The following SLMAP variants were observed in gnomAD, a reference collection of about 807,000 sequenced individuals.
The protein encoded by SLMAP is sarcolemmal membrane-associated protein.
A neutral mutation model predicts 128.8 loss-of-function variants in SLMAP; 44 were observed. That is an observed-to-expected ratio of 0.34 (90% CI 0.27 to 0.44). The LOEUF is 0.44. SLMAP is among the 20% of genes least tolerant of loss of function. The pLI is 1.00. For missense variants in SLMAP, 787 were observed against 985.3 expected, an observed-to-expected ratio of 0.80 and a Z score of 2.69; for synonymous variants, 327 against 348.8, an observed-to-expected ratio of 0.94 and a Z score of 0.70.
chr3:57,888,996 T>C (rs2095987867), intron 14 of SLMAP, among the ~76,000 whole-genome samples: 1 of 152,092 alleles, frequency 6.6e-6, no homozygotes, highest in Admixed American at 6.6e-5. Flanking sequence ...ACCATTCTCC[T>C]GCCTCAGCCT....
At chr3:57,927,140 C>CTT (rs910704507) in intron 24 of SLMAP, among the ~76,000 whole-genome samples, 156 bp from the exon 25 acceptor site, 1 of 144,922 alleles carries the variant, frequency 6.9e-6, no homozygotes, top group Non-Finnish European at 1.5e-5. Flanking sequence ...CACTCCCTCA[C>CTT]TTTTTTTTTT....
At chr3:57,860,973 C>A in intron 9 of SLMAP, 134 bp downstream of exon 9, 1 of 704,374 alleles carries the variant, frequency 1.4e-6, no homozygotes. Context: ...TGGGAAGGAA[C>A]AGTTACGCTG....
At chr3:57,819,681 T>C (rs2092321390) in intron 2 of SLMAP, among the ~76,000 whole-genome samples, 2 of 152,230 alleles carry the variant, frequency 1.3e-5, no homozygotes, top group East Asian at 3.8e-4. Flanking sequence ...TTGTTCTTTT[T>C]TTCCCACAAA....
intron 2 of SLMAP, among the ~76,000 whole-genome samples, chr3:57,766,165 A>ATTTTTTTTTT (rs869169620): frequency 1.4e-3 from 124 of 85,700 alleles, no homozygotes; most frequent in Middle Eastern, 9.4e-3. Flanking sequence ...CACCCGGCTA[A>ATTTTTTTTTT]TTTTTTTTTT....
chr3:57,809,544 A>C (rs887904033), intron 2 of SLMAP, among the ~76,000 whole-genome samples: 12 of 152,216 alleles, frequency 7.9e-5, no homozygotes, highest in African/African-American at 2.9e-4. Context: ...GGGCACCACG[A>C]ACAGCAGCAG....
At chr3:57,844,125 G>C (rs539944005) in intron 4 of SLMAP, among the ~76,000 whole-genome samples, 38 of 152,074 alleles carry the variant, frequency 2.5e-4, no homozygotes, top group African/African-American at 9.1e-4. Context: ...GGCGCAGGTG[G>C]CTCGTGCCTG....
chr3:57,838,027 G>A (rs2093722540), intron 3 of SLMAP, among the ~76,000 whole-genome samples: 1 of 151,956 alleles, frequency 6.6e-6, no homozygotes, highest in Admixed American at 6.6e-5. Flanking sequence ...TCATCTCATA[G>A]ATTTGCGCAT....
intron 14 of SLMAP, among the ~76,000 whole-genome samples, chr3:57,873,326 A>G (rs1387487580): frequency 6.6e-6 from 1 of 152,060 alleles, no homozygotes; most frequent in African/African-American, 2.4e-5. Context: ...AACATGGTGA[A>G]ACCCCATCTC....
chr3:57,820,338 T>C (rs1417975125), intron 2 of SLMAP, among the ~76,000 whole-genome samples: 5 of 152,172 alleles, frequency 3.3e-5, no homozygotes, highest in African/African-American at 1.2e-4. Flanking sequence ...GAGATCACTA[T>C]CTGTTCTTTA....
chr3:57,869,812 G>A (rs1400290726), intron 13 of SLMAP, among the ~76,000 whole-genome samples: 1 of 150,580 alleles, frequency 6.6e-6, no homozygotes, highest in East Asian at 1.9e-4. Context: ...TTGTACATTT[G>A]TTTTATGCTT....
intron 22 of SLMAP, among the ~76,000 whole-genome samples, chr3:57,920,931 C>T (rs2096905473): frequency 1.3e-5 from 2 of 151,974 alleles, no homozygotes; most frequent in Admixed American, 1.3e-4. Flanking sequence ...GCACAAGAAT[C>T]CCTTGAACCC....
chr3:57,812,463 C>T (rs1217889049), intron 2 of SLMAP, among the ~76,000 whole-genome samples: 2 of 152,064 alleles, frequency 1.3e-5, no homozygotes, highest in East Asian at 3.9e-4. Flanking sequence ...TATGCCGGTA[C>T]CATACTGTTT....
At chr3:57,817,566 A>G (rs2092009331) in intron 2 of SLMAP, among the ~76,000 whole-genome samples, 2 of 152,232 alleles carry the variant, frequency 1.3e-5, no homozygotes, top group Admixed American at 1.3e-4. Flanking sequence ...AATTTGCCAT[A>G]TTCATGAGGA....
chr3:57,862,999 GA>G (rs2095157201), intron 10 of SLMAP, among the ~76,000 whole-genome samples: 1 of 152,136 alleles, frequency 6.6e-6, no homozygotes, highest in Non-Finnish European at 1.5e-5. Context: ...TATATAACAG[GA>G]AGTAGATGAG....
intron 2 of SLMAP, among the ~76,000 whole-genome samples, chr3:57,777,096 A>T (rs967839682): frequency 8.2e-4 from 92 of 112,404 alleles, no homozygotes; most frequent in Non-Finnish European, 1.4e-3. Context: ...AAGAAATTTG[A>T]CTTTTTTTGG....
intron 2 of SLMAP, among the ~76,000 whole-genome samples, chr3:57,804,043 A>G (rs367697693): frequency 9.8e-5 from 15 of 152,350 alleles, no homozygotes; most frequent in African/African-American, 3.6e-4. Context: ...CCCAGTTAGT[A>G]TAGCATAGTA....
intron 17 of SLMAP, chr3:57,897,212 A>G: frequency 1.3e-6 from 1 of 750,528 alleles, no homozygotes; most frequent in Non-Finnish European, 1.9e-6. Context: ...TGTGTCTCTA[A>G]TAGGAATTTA....
At chr3:57,896,414 G>C (rs559723701) in intron 15 of SLMAP, 97 bp from the exon 16 acceptor site, 5 of 1,439,974 alleles carry the variant, frequency 3.5e-6, no homozygotes, top group South Asian at 1.6e-5. Flanking sequence ...AGTACTTTGC[G>C]TACCTGTAGA....
chr3:57,761,710 G>A (rs1204887140), intron 2 of SLMAP, among the ~76,000 whole-genome samples: 1 of 152,152 alleles, frequency 6.6e-6, no homozygotes, highest in Non-Finnish European at 1.5e-5. Flanking sequence ...TCACTTTGTG[G>A]TGACTGTTGC....
Sources: gnomAD v4.1 joint callset for allele counts (sites outside exome capture counted in the v4.1 genomes callset) on GRCh38, gnomAD v4.1.1 for gene constraint, MANE v1.5 for transcripts, NCBI Gene and HGNC (gene_info 2026-07-23, HGNC 2026-07-21) for gene names.